The following PDE4D variants were observed in gnomAD, a reference collection of about 807,000 sequenced individuals.
The protein encoded by PDE4D is 3',5'-cyclic-AMP phosphodiesterase 4D.
In PDE4D, 24 loss-of-function variants were observed where a neutral mutation model predicts 87.4. That is an observed-to-expected ratio of 0.27 (90% CI 0.20 to 0.39). The LOEUF (loss-of-function observed/expected upper bound fraction) is 0.39. Ranked by LOEUF, PDE4D falls within the 10% of genes least tolerant of loss-of-function variation. PDE4D has a pLI of 1.00. For synonymous variants in PDE4D, 384 were observed against 383.2 expected, an observed-to-expected ratio of 1.00 and a Z score of -0.02; for missense variants, 714 against 1,041.0, an observed-to-expected ratio of 0.69 and a Z score of 4.32.
intron 1 of PDE4D, among the ~76,000 whole-genome samples, chr5:59,375,740 TA>T (rs1273984687): frequency 6.6e-6 from 1 of 151,774 alleles, no homozygotes; most frequent in African/African-American, 2.4e-5. Context: ...AACAAAAATT[TA>T]AAACTCAGAC....
intron 5 of PDE4D, among the ~76,000 whole-genome samples, chr5:59,125,992 T>C (rs767057071): frequency 1.3e-5 from 2 of 151,432 alleles, no homozygotes; most frequent in Non-Finnish European, 2.9e-5. Flanking sequence ...CTCACAATCA[T>C]AAATTTGAGA....
chr5:59,463,666 T>TA (rs775315789), intron 1 of PDE4D, among the ~76,000 whole-genome samples: 1 of 152,330 alleles, frequency 6.6e-6, no homozygotes, highest in Non-Finnish European at 1.5e-5. Context: ...GAGATTTCCT[T>TA]AAAAAATGTT....
intron 1 of PDE4D, among the ~76,000 whole-genome samples, chr5:59,415,314 C>T (rs1206518645): frequency 6.6e-6 from 1 of 152,082 alleles, no homozygotes; most frequent in Non-Finnish European, 1.5e-5. Flanking sequence ...AAGGTGTGCT[C>T]AGGTGAGGAA....
At chr5:60,348,272 CCTT>C (rs1386105201) in intron 1 of PDE4D, among the ~76,000 whole-genome samples, 2 of 152,054 alleles carry the variant, frequency 1.3e-5, no homozygotes, top group Non-Finnish European at 2.9e-5. Flanking sequence ...TTCTATGATT[CCTT>C]CTTCTTTTTC....
At chr5:59,876,840 G>A (rs1256493104) in intron 1 of PDE4D, among the ~76,000 whole-genome samples, 1 of 152,078 alleles carries the variant, frequency 6.6e-6, no homozygotes, top group Admixed American at 6.6e-5. Flanking sequence ...TTATCTCATA[G>A]AAAGGGAAAA....
At chr5:60,463,475 A>C (rs1474223935) in intron 1 of PDE4D, among the ~76,000 whole-genome samples, 4 of 152,184 alleles carry the variant, frequency 2.6e-5, no homozygotes, top group Admixed American at 6.5e-5. Context: ...CATCACAATT[A>C]TCCTGGGAGC....
At chr5:59,270,332 AAGAT>A (rs1259109898) in intron 1 of PDE4D, among the ~76,000 whole-genome samples, 1 of 152,170 alleles carries the variant, frequency 6.6e-6, no homozygotes, top group Non-Finnish European at 1.5e-5. Flanking sequence ...ACAAGTTTCT[AAGAT>A]AGAAGAAATA....
rs368587062 is a variant in PDE4D, at chr5:58,990,910, G to GAA, written c.1189-10_1189-9dup. 1.2e-3 allele frequency: 1,332 copies of GAA among 1,080,078 alleles called. No individual in the cohort carries two copies. The highest frequency in any genetic ancestry group is 1.4e-3 in the Non-Finnish European group (1,075 of 763,900). The allele number at this position is 1,080,078 out of a possible 1,614,324, so 66.9% of individuals were successfully genotyped here. ...GTTCACATCTTCTAGTTCCTGGAGT[G>GAA]AAAAAAAAAAAAAGATACTAAAATA... On this transcript the variant is annotated splice_polypyrimidine_tract_variant and intron_variant, in intron 8 of 14. Transcript: ENST00000340635.
At chr5:60,227,855 T>C (rs1377452399) in intron 1 of PDE4D, among the ~76,000 whole-genome samples, 2 of 152,120 alleles carry the variant, frequency 1.3e-5, no homozygotes, top group Admixed American at 6.6e-5. Context: ...ATTCTTATCA[T>C]AGCCAGTAAG....
intron 2 of PDE4D, among the ~76,000 whole-genome samples, chr5:60,047,477 T>C (rs1349703619): frequency 6.6e-6 from 1 of 152,238 alleles, no homozygotes; most frequent in Non-Finnish European, 1.5e-5. Context: ...CCATTTTAGA[T>C]CTTTCCTGCT....
chr5:60,221,474 A>T (rs1041959374), intron 1 of PDE4D, among the ~76,000 whole-genome samples: 2 of 151,442 alleles, frequency 1.3e-5, no homozygotes, highest in Admixed American at 6.6e-5. Context: ...TGTTCCTTGG[A>T]TTATGCCTTG....
At chr5:60,297,620 A>G (rs1753525174) in intron 1 of PDE4D, among the ~76,000 whole-genome samples, 1 of 152,204 alleles carries the variant, frequency 6.6e-6, no homozygotes, top group African/African-American at 2.4e-5. Flanking sequence ...ATTCTATCCA[A>G]TTGTATAATC....
intron 1 of PDE4D, among the ~76,000 whole-genome samples, chr5:59,749,116 G>C (rs1760053178): frequency 6.6e-6 from 1 of 152,194 alleles, no homozygotes; most frequent in South Asian, 2.1e-4. Context: ...ACTCTAGTCA[G>C]TCCTGTATCA....
At chr5:59,606,176 G>A (rs908297644) in intron 1 of PDE4D, among the ~76,000 whole-genome samples, 12 of 151,938 alleles carry the variant, frequency 7.9e-5, no homozygotes, top group Middle Eastern at 3.2e-3. Context: ...AGATCAACTC[G>A]TATAAATTCT....
intron 1 of PDE4D, among the ~76,000 whole-genome samples, chr5:59,303,890 T>C (rs1770756468): frequency 6.6e-6 from 1 of 152,156 alleles, no homozygotes; most frequent in African/African-American, 2.4e-5. Flanking sequence ...TTTGGTTCCA[T>C]CTGAGTTTTA....
At chr5:60,083,818 C>T (rs1466927086) in intron 2 of PDE4D, among the ~76,000 whole-genome samples, 1 of 152,128 alleles carries the variant, frequency 6.6e-6, no homozygotes, top group Non-Finnish European at 1.5e-5. Context: ...TAATAATGGG[C>T]TTGTTCCTTG....
intron 1 of PDE4D, among the ~76,000 whole-genome samples, chr5:59,370,581 T>C (rs1400192694): frequency 6.6e-6 from 1 of 152,228 alleles, no homozygotes; most frequent in African/African-American, 2.4e-5. Flanking sequence ...ACTATTTCTT[T>C]ACTCTGCACT....
At chr5:60,345,526 A>G (rs540546495) in intron 1 of PDE4D, among the ~76,000 whole-genome samples, 49 of 151,514 alleles carry the variant, frequency 3.2e-4, no homozygotes, top group Non-Finnish European at 6.2e-4. Context: ...AGCATCTAAA[A>G]TGTGTCAGGA....
Position 58,994,439 on chromosome 5 carries a change from C to T in PDE4D, c.922-974G>A, listed in dbSNP as rs77630986. ...CCTTTTAATAAGCCTTTAATATTTG[C>T]CTTAATATACAGAAACAATGTATTT... On this transcript the variant is annotated intron_variant, in intron 6 of 14. Transcript: ENST00000340635. 3.2e-3 allele frequency among the ~76,000 whole-genome samples: 485 copies of T among 151,550 alleles called. 34 individuals carry two copies. In the East Asian group the frequency reaches 0.081, roughly 25 times the overall value.
Sources: allele counts gnomAD v4.1 joint callset (sites outside exome capture counted in the v4.1 genomes callset), GRCh38; gene constraint gnomAD v4.1.1; transcripts MANE v1.5; gene names NCBI Gene and HGNC (gene_info 2026-07-23, HGNC 2026-07-21).